Variants in PGAP1 observed in about 807,000 individuals in gnomAD.
PGAP1 encodes post-GPI attachment to proteins inositol deacylase 1, also known as GPI inositol-deacylase.
In PGAP1, 76 loss-of-function variants were observed where a neutral mutation model predicts 127.0. That is an observed-to-expected ratio of 0.60 (90% CI 0.50 to 0.72). The LOEUF is 0.72. PGAP1 is among the 30% of genes least tolerant of loss of function. PGAP1 has a pLI of 0.00. For missense variants in PGAP1, 982 were observed against 1,071.3 expected, an observed-to-expected ratio of 0.92 and a Z score of 1.16; for synonymous variants, 362 against 366.5, an observed-to-expected ratio of 0.99 and a Z score of 0.14.
intron 4 of PGAP1, among the ~76,000 whole-genome samples, chr2:196,905,403 C>A (rs868472793): frequency 6.6e-6 from 1 of 152,138 alleles, no homozygotes; most frequent in African/African-American, 2.4e-5. Flanking sequence ...AAGACTTCTA[C>A]AAGCAAAGTT....
intron 4 of PGAP1, among the ~76,000 whole-genome samples, chr2:196,911,404 A>T (rs1215576598): frequency 4.5e-5 from 3 of 66,958 alleles, no homozygotes; most frequent in Non-Finnish European, 8.8e-5. Context: ...GGAATTGAAC[A>T]ATGAGATCAC....
chr2:196,911,613 A>T (rs1458863883), intron 4 of PGAP1, among the ~76,000 whole-genome samples: 4 of 136,110 alleles, frequency 2.9e-5, no homozygotes, highest in African/African-American at 6.4e-5. Context: ...TAATAAAAAA[A>T]AAAAAAAAAA....
intron 19 of PGAP1, 140 bp from the exon 20 acceptor site, chr2:196,865,220 C>CT: frequency 1.8e-6 from 1 of 554,030 alleles, no homozygotes; most frequent in Non-Finnish European, 3.2e-6. Flanking sequence ...ATCAAAAACT[C>CT]TAAGTAAAAT....
At chr2:196,861,405 T>G (rs1482036001) in intron 20 of PGAP1, among the ~76,000 whole-genome samples, 2 of 151,980 alleles carry the variant, frequency 1.3e-5, no homozygotes, top group Non-Finnish European at 2.9e-5. Flanking sequence ...GGGAAAAAAT[T>G]TTGCAAACTA....
intron 4 of PGAP1, among the ~76,000 whole-genome samples, chr2:196,905,817 T>TC (rs1165344859): frequency 2.2e-5 from 3 of 134,278 alleles, no homozygotes; most frequent in Non-Finnish European, 4.8e-5. Flanking sequence ...GAGTTCCCTT[T>TC]CCGAGTCAAA....
intron 4 of PGAP1, among the ~76,000 whole-genome samples, chr2:196,912,095 C>G (rs1240072334): frequency 1.3e-5 from 2 of 152,130 alleles, no homozygotes; most frequent in Non-Finnish European, 2.9e-5. Flanking sequence ...CCTCATGGGA[C>G]TGCAGTAAGG....
intron 24 of PGAP1, 141 bp downstream of exon 24, chr2:196,844,383 T>C (rs1360278767): frequency 1.8e-6 from 1 of 564,236 alleles, no homozygotes; most frequent in African/African-American, 2.0e-5. Context: ...TTTTAAAATA[T>C]TCATTAGGTT....
chr2:196,920,949 G>C (rs576269025), intron 1 of PGAP1, among the ~76,000 whole-genome samples: 1 of 151,956 alleles, frequency 6.6e-6, no homozygotes. Flanking sequence ...CATCCTCAAA[G>C]GTAGACATCT....
At chr2:196,924,234 C>G (rs1202696841) in intron 1 of PGAP1, among the ~76,000 whole-genome samples, 5 of 151,604 alleles carry the variant, frequency 3.3e-5, no homozygotes, top group Non-Finnish European at 5.9e-5. Context: ...AAAGAAGATG[C>G]AAATGAGCAG....
rs149888170 is a variant in PGAP1 at position 196,833,360 on chromosome 2, T to G, written c.*7874A>C. 2.5e-4 allele frequency: 38 copies of G among 152,312 alleles called. No individual in the cohort carries two copies. Among genetic ancestry groups the G allele is most frequent in the African/African-American group, 8.2e-4 (34 of 41,580 alleles). The allele number at this position is 152,312 out of a possible 1,614,324, so 9.4% of individuals were successfully genotyped here. On this transcript the variant is annotated 3_prime_UTR_variant, in exon 27 of 27. Coordinates refer to ENST00000354764, the MANE Select transcript of PGAP1 (RefSeq NM_024989.4). ...GGAAAGATCAGCAAGGTGACAATCA[T>G]TTTTTATTATATACTACAGGACAGG...
chr2:196,893,370 A>G, intron 7 of PGAP1, 125 bp from the exon 8 acceptor site: 1 of 482,456 alleles, frequency 2.1e-6, no homozygotes, highest in South Asian at 3.2e-5. Flanking sequence ...TGTTCTGAGC[A>G]CTGTACATAA....
chr2:196,875,927 T>C, intron 13 of PGAP1, 106 bp from the exon 14 acceptor site: 2 of 618,206 alleles, frequency 3.2e-6, no homozygotes, highest in South Asian at 2.0e-5. Flanking sequence ...ACCTCAGCTT[T>C]GGAGAAAGTA....
At chr2:196,898,123 A>C (rs985149652) in intron 6 of PGAP1, among the ~76,000 whole-genome samples, 194 bp downstream of exon 6, 2 of 152,088 alleles carry the variant, frequency 1.3e-5, no homozygotes, top group Admixed American at 1.3e-4. Context: ...AGGCTGAGGC[A>C]TGAGGATCAC....
At chr2:196,863,458 T>C (rs952527104) in intron 20 of PGAP1, among the ~76,000 whole-genome samples, 3 of 152,202 alleles carry the variant, frequency 2.0e-5, no homozygotes, top group Admixed American at 1.3e-4. Flanking sequence ...GCTAAAGTGA[T>C]AAGTCAGGCA....
At position 196,892,411 on chromosome 2, in the gene PGAP1, AAGGAAAT is replaced by A; in HGVS notation, c.1034-17_1034-11del. ...ACCCACATAGATGTCCCTGAAGGTA[AAGGAAAT>A]TAATTTATTTGCCTTGTTTTGTTTT... On this transcript the variant is annotated splice_polypyrimidine_tract_variant and intron_variant, in intron 8 of 26. Coordinates refer to ENST00000354764, the MANE Select transcript of PGAP1 (RefSeq NM_024989.4). The A allele has an allele frequency of 2.3e-6, 3 of 1,321,318 alleles. No individual in the cohort carries two copies. The highest frequency in any genetic ancestry group is 3.2e-6 in the Non-Finnish European group (3 of 945,924). 81.8% of individuals were successfully genotyped at this position (1,321,318 alleles called of 1,614,324 possible).
chr2:196,870,023 T>C (rs1479437564), intron 19 of PGAP1, among the ~76,000 whole-genome samples: 1 of 152,204 alleles, frequency 6.6e-6, no homozygotes, highest in East Asian at 1.9e-4. Context: ...AATTGTTATC[T>C]TATTTATGTC....
At position 196,880,168 on chromosome 2, in the gene PGAP1, AAAG is replaced by A. The variant is rs1446681212; in HGVS notation, c.1273-18_1273-16del. 3.9e-5 allele frequency: 55 copies of A among 1,428,376 alleles called. No homozygotes were observed. The Admixed American group carries it at 1.3e-3, about 33-fold the overall frequency. The allele number at this position is 1,428,376 out of a possible 1,614,324, so 88.5% of individuals were successfully genotyped here. Reference sequence around the variant, plus strand: ...AATGTCAGATACTAAAATAAAAAAAAAAGAAACTACTTTTATTTCTTAGAGATT... The same window carrying A: ...AATGTCAGATACTAAAATAAAAAAAAAAACTACTTTTATTTCTTAGAGATT... On this transcript the variant is annotated splice_polypyrimidine_tract_variant and intron_variant, in intron 12 of 26. Transcript: ENST00000354764.
chr2:196,862,622 C>T (rs1157254826), intron 20 of PGAP1, among the ~76,000 whole-genome samples: 2 of 152,232 alleles, frequency 1.3e-5, no homozygotes, highest in African/African-American at 4.8e-5. Flanking sequence ...TGTGATGTCT[C>T]TCCCAGACAC....
At chr2:196,879,642 C>G (rs1701670318) in intron 13 of PGAP1, among the ~76,000 whole-genome samples, 1 of 152,044 alleles carries the variant, frequency 6.6e-6, no homozygotes. Context: ...TTGTAGTGAG[C>G]CAAGGTTGCG....
Sources: gnomAD v4.1 joint callset for allele counts (sites outside exome capture counted in the v4.1 genomes callset) on GRCh38, gnomAD v4.1.1 for gene constraint, MANE v1.5 for transcripts, NCBI Gene and HGNC (gene_info 2026-07-23, HGNC 2026-07-21) for gene names.